SHC3: variants seen among roughly 807,000 people sequenced by gnomAD.
SHC3 encodes SHC adaptor protein 3, also known as SHC-transforming protein 3.
In SHC3, 15 loss-of-function variants were observed where a neutral mutation model predicts 60.4. That is an observed-to-expected ratio of 0.25 (90% confidence interval 0.17 to 0.38). SHC3 has a LOEUF of 0.38. Ranked by LOEUF, SHC3 falls within the 10% of genes least tolerant of loss-of-function variation. SHC3 has a pLI of 1.00. For synonymous variants in SHC3, 294 were observed against 325.9 expected (o/e 0.90, Z 1.05); for missense variants, 677 against 786.1 (o/e 0.86, Z 1.66).
In SHC3 at chr9:89,178,569, G is replaced by A; in HGVS notation, c.-109C>T. On this transcript the variant is annotated 5_prime_UTR_variant, in exon 1 of 12. Coordinates refer to ENST00000375835, the MANE Select transcript of SHC3 (RefSeq NM_016848.6). This position sits in a 1 kb window ranked among gnomAD's most constrained non-coding sequence, Gnocchi z 6.9. Reference sequence around the variant, plus strand: ...CTGTCCCCGGAGCGGGACGGAGAGTGGGGGCCCCGGGACAGCCTTCTGGAG... The same window carrying A: ...CTGTCCCCGGAGCGGGACGGAGAGTAGGGGCCCCGGGACAGCCTTCTGGAG... 4.8e-6 allele frequency: 5 copies of A among 1,044,502 alleles called. No individual in the cohort carries two copies. Among genetic ancestry groups the A allele is most frequent in the Non-Finnish European group, 6.5e-6 (5 of 763,422 alleles). 64.7% of individuals were successfully genotyped at this position (1,044,502 alleles called of 1,614,324 possible).
At chr9:89,152,828 T>C (rs1016004312) in intron 1 of SHC3, among the ~76,000 whole-genome samples, 1 of 152,260 alleles carries the variant, frequency 6.6e-6, no homozygotes, top group Non-Finnish European at 1.5e-5. Context: ...ATACCTTGAA[T>C]TGATTTAAAA....
At chr9:89,161,226 A>T (rs1413461231) in intron 1 of SHC3, among the ~76,000 whole-genome samples, 2 of 151,886 alleles carry the variant, frequency 1.3e-5, no homozygotes, top group African/African-American at 4.8e-5. Context: ...GTTTAGCACC[A>T]CCCCCTTCAT....
At chr9:89,087,765 G>A (rs1825555729) in intron 2 of SHC3, among the ~76,000 whole-genome samples, 1 of 152,134 alleles carries the variant, frequency 6.6e-6, no homozygotes, top group Non-Finnish European at 1.5e-5. Flanking sequence ...AACTAGTTCA[G>A]GTCCTGATGG....
Position 89,058,401 on chromosome 9 carries a change from TG to T in SHC3, c.836-6239del, listed in dbSNP as rs1474088981. Among the ~76,000 whole-genome samples, 6 of 140,414 alleles carry T rather than the reference TG, an allele frequency of 4.3e-5. No individual in the cohort carries two copies. In the South Asian group the frequency reaches 1.2e-3, roughly 27 times the overall value. The allele number at this position is 140,414 out of a possible 152,430, so 92.1% of individuals were successfully genotyped here. ...TGGCATAGGATGTGGTGGAGGACAGTGGTGGAGGATGTGGTATAGGATGTGG... is the reference window on the plus strand; with the variant it reads ...TGGCATAGGATGTGGTGGAGGACAGTGTGGAGGATGTGGTATAGGATGTGG... On this transcript the variant is annotated intron_variant, in intron 6 of 11. Transcript: ENST00000375835.
chr9:89,038,343 A>T (rs1824619130), intron 10 of SHC3, 55 bp from the exon 11 acceptor site: 8 of 10,064 alleles, frequency 7.9e-4, no homozygotes, highest in Non-Finnish European at 2.9e-3. Flanking sequence ...AGCAAATGAT[A>T]AAAAAAAAAA....
intron 11 of SHC3, chr9:89,037,320 A>C (rs73496091): frequency 1.7e-6 from 1 of 587,314 alleles, no homozygotes. Context: ...TTTTCACTGG[A>C]TAAAAGGTTT....
intron 1 of SHC3, among the ~76,000 whole-genome samples, chr9:89,132,953 A>C (rs904914107): frequency 6.6e-6 from 1 of 152,222 alleles, no homozygotes; most frequent in African/African-American, 2.4e-5. Context: ...AAAAGAAACT[A>C]CCATCAGAGT....
chr9:89,071,569 G>T (rs1000353411), intron 4 of SHC3, among the ~76,000 whole-genome samples: 3 of 152,168 alleles, frequency 2.0e-5, no homozygotes, highest in Non-Finnish European at 4.4e-5. Context: ...TAAGACAGCT[G>T]GTGATTAGCA....
Position 89,013,393 on chromosome 9 carries a change from C to A in SHC3, c.*54G>T. 7.0e-7 allele frequency: 1 copy of A among 1,423,204 alleles called. No homozygotes were observed. Among genetic ancestry groups the A allele is most frequent in the Non-Finnish European group, 9.2e-7 (1 of 1,081,142 alleles). 88.2% of individuals were successfully genotyped at this position (1,423,204 alleles called of 1,614,324 possible). ...CAGTTCCAGCAGCCCCGATTCTAGT[C>A]CACTCCAGGTCCTCCTGACCTGGTG... On this transcript the variant is annotated 3_prime_UTR_variant, in exon 12 of 12. Coordinates refer to ENST00000375835, the MANE Select transcript of SHC3 (RefSeq NM_016848.6).
chr9:89,044,399 C>T (rs146658461), intron 9 of SHC3, among the ~76,000 whole-genome samples: 1 of 152,230 alleles, frequency 6.6e-6, no homozygotes, highest in South Asian at 2.1e-4. Flanking sequence ...AGACGAAATT[C>T]TCTTACACAG....
At chr9:89,060,633 T>A (rs192112230) in intron 6 of SHC3, among the ~76,000 whole-genome samples, 163 of 151,366 alleles carry the variant, frequency 1.1e-3, no homozygotes, top group Non-Finnish European at 1.9e-3. Flanking sequence ...GGAGTGGGAG[T>A]GAGCTCACAG....
intron 11 of SHC3, among the ~76,000 whole-genome samples, chr9:89,020,884 T>A (rs1444564646): frequency 1.3e-5 from 2 of 152,096 alleles, no homozygotes; most frequent in Non-Finnish European, 2.9e-5. Context: ...ACCTTGGTGA[T>A]CCTCCAAAGT....
At position 89,009,978 on chromosome 9, in the gene SHC3, C is replaced by G. The variant is rs549357426; in HGVS notation, c.*3469G>C. ...GTCCACTGTTCCCCTGGCACATGGG[C>G]CCTTTAGGGTCCACCCTTCCCTAGG... On this transcript the variant is annotated 3_prime_UTR_variant, in exon 12 of 12. Coordinates refer to ENST00000375835, the MANE Select transcript of SHC3 (RefSeq NM_016848.6). 4 of 152,352 alleles carry G rather than the reference C, an allele frequency of 2.6e-5. No homozygotes were observed. Among genetic ancestry groups the G allele is most frequent in the African/African-American group, 7.2e-5 (3 of 41,578 alleles). 9.4% of individuals were successfully genotyped at this position (152,352 alleles called of 1,614,324 possible).
chr9:89,050,639 T>A (rs181580992), intron 7 of SHC3, among the ~76,000 whole-genome samples: 1 of 152,358 alleles, frequency 6.6e-6, no homozygotes, highest in East Asian at 1.9e-4. Flanking sequence ...ATACTATATA[T>A]GCAATCATTT....
intron 10 of SHC3, among the ~76,000 whole-genome samples, chr9:89,039,813 C>T (rs928513899): frequency 6.6e-6 from 1 of 151,962 alleles, no homozygotes; most frequent in Admixed American, 6.6e-5. Context: ...TTACCATCAG[C>T]ATCATCAGGA....
rs971791411 is a variant in SHC3, at chr9:89,006,607, T to C, written c.*6840A>G. On this transcript the variant is annotated 3_prime_UTR_variant, in exon 12 of 12. Transcript: ENST00000375835. ...ATTTGTCAGTATGTATAATTTGCCA[T>C]CCAAATGCTTTTTAAAAAGTTATTA... 2 of 152,254 alleles carry C rather than the reference T, an allele frequency of 1.3e-5. No individual in the cohort carries two copies. The highest frequency in any genetic ancestry group is 4.8e-5 in the African/African-American group (2 of 41,466). 9.4% of individuals were successfully genotyped at this position (152,254 alleles called of 1,614,324 possible). A position where few individuals can be genotyped will look rare whatever the true frequency, so the allele number is the denominator to read the frequency against.
At chr9:89,143,806 C>T (rs144920810) in intron 1 of SHC3, among the ~76,000 whole-genome samples, 121 of 152,192 alleles carry the variant, frequency 8.0e-4, no homozygotes, top group Non-Finnish European at 1.5e-3. Flanking sequence ...TGGCCTTTTT[C>T]GGGGTTAGTG....
intron 1 of SHC3, among the ~76,000 whole-genome samples, chr9:89,175,909 A>C (rs76761506): frequency 0.012 from 1,767 of 152,348 alleles, 31 homozygotes; most frequent in African/African-American, 0.038. Flanking sequence ...GAATTTGCAC[A>C]TGTGCGCCAA....
intron 11 of SHC3, among the ~76,000 whole-genome samples, chr9:89,029,232 A>G (rs1336185029): frequency 1.3e-5 from 2 of 151,974 alleles, no homozygotes; most frequent in Non-Finnish European, 2.9e-5. Flanking sequence ...ATATTATATA[A>G]GAAAATTGTT....
Sources: allele counts gnomAD v4.1 joint callset (sites outside exome capture counted in the v4.1 genomes callset), GRCh38; gene constraint gnomAD v4.1.1; non-coding constraint Gnocchi (gnomAD v3.1); transcripts MANE v1.5; gene names NCBI Gene and HGNC (gene_info 2026-07-23, HGNC 2026-07-21).